ATG10: variants seen among roughly 807,000 people sequenced by gnomAD.
ATG10 encodes ubiquitin-like-conjugating enzyme ATG10.
ATG10 carries 30 observed loss-of-function variants against 32.1 expected under a neutral mutation model. The observed-to-expected ratio is 0.94, with a 90% CI of 0.70 to 1.27. ATG10 has a LOEUF of 1.27. Ranked by LOEUF, ATG10 falls within the 50% of genes most tolerant of loss-of-function variation. ATG10 has a pLI of 0.00. For synonymous variants in ATG10, 87 were observed against 91.5 expected (o/e 0.95, Z 0.28); for missense variants, 233 against 262.3 (o/e 0.89, Z 0.77).
intron 2 of ATG10, chr5:82,010,026 T>C: frequency 6.2e-7 from 1 of 1,610,194 alleles, no homozygotes; most frequent in Non-Finnish European, 8.5e-7. Flanking sequence ...AGCTAACAGC[T>C]CAAAGGAGAC....
chr5:82,086,513 A>C (rs1267908478), intron 3 of ATG10, among the ~76,000 whole-genome samples: 1 of 152,168 alleles, frequency 6.6e-6, no homozygotes, highest in African/African-American at 2.4e-5. Context: ...GCCTCTCTAC[A>C]TGGCTATCTT....
intron 3 of ATG10, among the ~76,000 whole-genome samples, chr5:82,069,625 G>A (rs141426796): frequency 1.5e-3 from 223 of 152,168 alleles, no homozygotes; most frequent in African/African-American, 5.0e-3. Context: ...GATATCGCTT[G>A]TCTCTTGATT....
At chr5:82,077,946 G>A (rs961874117) in intron 3 of ATG10, among the ~76,000 whole-genome samples, 4 of 152,164 alleles carry the variant, frequency 2.6e-5, no homozygotes, top group Non-Finnish European at 4.4e-5. Flanking sequence ...AATCACTCTC[G>A]TTTGATCAAT....
At chr5:82,129,966 G>C (rs954283818) in intron 3 of ATG10, among the ~76,000 whole-genome samples, 1 of 152,242 alleles carries the variant, frequency 6.6e-6, no homozygotes, top group East Asian at 1.9e-4. Flanking sequence ...CCCTTAGGTC[G>C]TCTGTCCGGG....
intron 2 of ATG10, among the ~76,000 whole-genome samples, chr5:82,019,826 G>A (rs1260280825): frequency 6.6e-6 from 1 of 152,216 alleles, no homozygotes; most frequent in African/African-American, 2.4e-5. Context: ...CAATAGTGGG[G>A]CTATGGAGGG....
chr5:82,077,914 CTG>C lies in ATG10; in HGVS notation c.216+19314_216+19315del, dbSNP rs1186668746. Reference sequence around the variant, plus strand: ...CTTATAGGTTCTGATCTTTCACTGACTGTAGTACAAGTAAGGGATGAAATCAC... The same window carrying C: ...CTTATAGGTTCTGATCTTTCACTGACTAGTACAAGTAAGGGATGAAATCAC... On this transcript the variant is annotated intron_variant, in intron 3 of 7. Coordinates refer to ENST00000282185, the MANE Select transcript of ATG10 (RefSeq NM_031482.5). Among the ~76,000 whole-genome samples the C allele has an allele frequency of 3.9e-5, 6 of 152,244 alleles. No individual in the cohort carries two copies. In the South Asian group the frequency reaches 8.3e-4, roughly 21 times the overall value.
intron 3 of ATG10, among the ~76,000 whole-genome samples, chr5:82,061,074 T>C (rs1167006750): frequency 6.6e-6 from 1 of 152,210 alleles, no homozygotes; most frequent in Non-Finnish European, 1.5e-5. Flanking sequence ...GTGATTTCAT[T>C]TGGAGTCACT....
chr5:81,983,629 CG>C (rs1761144539), intron 1 of ATG10, among the ~76,000 whole-genome samples: 1 of 147,420 alleles, frequency 6.8e-6, no homozygotes, highest in Non-Finnish European at 1.5e-5. Flanking sequence ...GGCGGCTGGC[CG>C]GGCGGGGGGG....
At chr5:82,103,976 GTCT>G (rs1252789399) in intron 3 of ATG10, among the ~76,000 whole-genome samples, 2 of 152,064 alleles carry the variant, frequency 1.3e-5, no homozygotes, top group Non-Finnish European at 2.9e-5. Flanking sequence ...TTTCATGTCT[GTCT>G]TCTTTTGTTT....
intron 3 of ATG10, among the ~76,000 whole-genome samples, chr5:82,137,868 C>CT (rs1459769253): frequency 6.6e-6 from 1 of 152,212 alleles, no homozygotes; most frequent in East Asian, 1.9e-4. Context: ...AGTTTTGTCT[C>CT]TAAGCCCCTC....
At chr5:82,009,387 T>A (rs555987241) in intron 2 of ATG10, among the ~76,000 whole-genome samples, 124 of 152,162 alleles carry the variant, frequency 8.1e-4, no homozygotes, top group African/African-American at 2.7e-3. Flanking sequence ...ATATATATAT[T>A]TTTTGTTATT....
intron 4 of ATG10, among the ~76,000 whole-genome samples, chr5:82,173,892 A>C (rs1446461702): frequency 6.6e-6 from 1 of 152,180 alleles, no homozygotes; most frequent in African/African-American, 2.4e-5. Context: ...GTACTTAACC[A>C]AGTATTTATG....
intron 2 of ATG10, among the ~76,000 whole-genome samples, chr5:82,044,324 A>G (rs1269613787): frequency 6.6e-6 from 1 of 152,156 alleles, no homozygotes; most frequent in Non-Finnish European, 1.5e-5. Flanking sequence ...ATCCAACCCC[A>G]TGATCCGTTT....
chr5:82,132,308 G>A (rs1481930243), intron 3 of ATG10, among the ~76,000 whole-genome samples: 2 of 151,794 alleles, frequency 1.3e-5, no homozygotes, highest in Non-Finnish European at 1.5e-5. Flanking sequence ...GTGCAGGTTT[G>A]TTACATAGGT....
chr5:81,980,087 G>T (rs966540711), intron 1 of ATG10, among the ~76,000 whole-genome samples: 6 of 152,118 alleles, frequency 3.9e-5, no homozygotes, highest in African/African-American at 1.2e-4. Context: ...TGCCTTGAAT[G>T]TAGAATTTTT....
chr5:82,205,224 G>A (rs1165882237), intron 5 of ATG10, among the ~76,000 whole-genome samples: 1 of 152,204 alleles, frequency 6.6e-6, no homozygotes, highest in Non-Finnish European at 1.5e-5. Flanking sequence ...CGTCATTTGT[G>A]TACTGTGGTG....
At chr5:82,209,841 T>C (rs1191717751) in intron 5 of ATG10, among the ~76,000 whole-genome samples, 1 of 152,182 alleles carries the variant, frequency 6.6e-6, no homozygotes, top group Non-Finnish European at 1.5e-5. Flanking sequence ...CCCTTCACCA[T>C]ATCTCATATG....
chr5:82,225,863 C>T (rs958091254), intron 5 of ATG10, among the ~76,000 whole-genome samples: 4 of 152,188 alleles, frequency 2.6e-5, no homozygotes, highest in Non-Finnish European at 4.4e-5. Context: ...CTAACATTCT[C>T]TAGTGTGAAC....
intron 5 of ATG10, among the ~76,000 whole-genome samples, chr5:82,238,897 C>T (rs1285374139): frequency 1.3e-5 from 2 of 151,972 alleles, no homozygotes; most frequent in East Asian, 3.9e-4. Flanking sequence ...TAGGCAAACT[C>T]ACAGAATTAA....
Sources: allele counts gnomAD v4.1 joint callset (sites outside exome capture counted in the v4.1 genomes callset), GRCh38; gene constraint gnomAD v4.1.1; transcripts MANE v1.5; gene names NCBI Gene and HGNC (gene_info 2026-07-23, HGNC 2026-07-21).